FOS: variants seen among roughly 807,000 people sequenced by gnomAD.
The protein encoded by FOS is protein c-Fos.
Under a neutral mutation model 27.2 loss-of-function variants are expected in FOS, and 9 were observed. The observed-to-expected ratio is 0.33, with a 90% CI of 0.20 to 0.58. FOS has a LOEUF of 0.58. Ranked by LOEUF, FOS falls within the 20% of genes least tolerant of loss-of-function variation. The pLI, the probability that FOS is intolerant of heterozygous loss-of-function variation, is 0.87. For missense variants in FOS, 405 were observed against 483.5 expected (o/e 0.84, Z 1.52); for synonymous variants, 213 against 205.1 (o/e 1.04, Z -0.33).
chr14:75,281,312 C>T lies in FOS; in HGVS notation c.1031C>T (p.Thr344Ile), dbSNP rs747274853. 1.9e-6 allele frequency: 3 copies of T among 1,609,816 alleles called. No individual in the cohort carries two copies. Among genetic ancestry groups the T allele is most frequent in the Non-Finnish European group, 2.5e-6 (3 of 1,179,990 alleles). Residue 344 changes from threonine (T) to isoleucine (I), a missense_variant, in exon 4 of 4, where the codon ACC becomes ATC. Thr to Ile is a moderately conservative substitution (Grantham distance 89, BLOSUM62 -1). Coordinates refer to ENST00000303562, the MANE Select transcript of FOS (RefSeq NM_005252.4). This position sits in a 1 kb window ranked among gnomAD's most constrained non-coding sequence, Gnocchi z 4.7. ...GCTTACACGTCTTCCTTCGTCTTCACCTACCCCGAGGCTGACTCCTTCCCC... is the reference window on the plus strand; with the variant it reads ...GCTTACACGTCTTCCTTCGTCTTCATCTACCCCGAGGCTGACTCCTTCCCC... ...CTAYTSSFVF[T>I]YPEADSFPSC...
In FOS at chr14:75,279,491, CA is replaced by C; in HGVS notation, c.141+369del. ...TCCCCCCTCCCCCGGCAGCCTGGAGCACGGAGGAGGGATGAGGGAGGAGGGT... is the reference window on the plus strand; with the variant it reads ...TCCCCCCTCCCCCGGCAGCCTGGAGCCGGAGGAGGGATGAGGGAGGAGGGT... On this transcript the variant is annotated intron_variant, in intron 1 of 3. Coordinates refer to ENST00000303562, the MANE Select transcript of FOS (RefSeq NM_005252.4). This position sits in a 1 kb window ranked among gnomAD's most constrained non-coding sequence, Gnocchi z 5.4. 2.3e-6 allele frequency: 1 copy of C among 443,074 alleles called. No homozygotes were observed. Among genetic ancestry groups the C allele is most frequent in the Non-Finnish European group, 4.1e-6 (1 of 246,782 alleles). The allele number at this position is 443,074 out of a possible 1,614,324, so 27.4% of individuals were successfully genotyped here. A position where few individuals can be genotyped will look rare whatever the true frequency, so the allele number is the denominator to read the frequency against.
At chr14:75,280,231 C>A in intron 2 of FOS, 103 bp downstream of exon 2, 1 of 1,497,970 alleles carries the variant, frequency 6.7e-7, no homozygotes, top group Non-Finnish European at 9.2e-7. Context: ...ACTGATGGGG[C>A]TGGCTGCACA....
At position 75,281,627 on chromosome 14, in the gene FOS, A is replaced by G; in HGVS notation, c.*203A>G. 1 of 605,902 alleles carries G rather than the reference A, an allele frequency of 1.7e-6. No individual in the cohort carries two copies. The highest frequency in any genetic ancestry group is 2.9e-6 in the Non-Finnish European group (1 of 343,682). The allele number at this position is 605,902 out of a possible 1,614,324, so 37.5% of individuals were successfully genotyped here. A position where few individuals can be genotyped will look rare whatever the true frequency, so the allele number is the denominator to read the frequency against. ...ACTCAAGTCCTTACCTCTTCCGGAG[A>G]TGTAGCAAAACGCATGGAGTGTGTA... is the stretch of plus-strand genomic sequence containing the variant. On this transcript the variant is annotated 3_prime_UTR_variant, in exon 4 of 4. Coordinates refer to ENST00000303562, the MANE Select transcript of FOS (RefSeq NM_005252.4). This position sits in a 1 kb window ranked among gnomAD's most constrained non-coding sequence, Gnocchi z 4.7.
Position 75,279,017 on chromosome 14 carries a change from C to G in FOS, c.35C>G (p.Ala12Gly). 6.2e-7 allele frequency: 1 copy of G among 1,613,674 alleles called. No homozygotes were observed. The highest frequency in any genetic ancestry group is 1.1e-5 in the South Asian group (1 of 91,088). Residue 12 changes from alanine to glycine, a missense_variant, in exon 1 of 4, where the codon GCG (alanine) becomes GGG (glycine). Transcript: ENST00000303562. The surrounding 1 kb of genome is among the most constrained non-coding windows in gnomAD (Gnocchi z 5.4). ...MFSGFNADYE[A>G]SSSRCSSASP... is the part of the protein sequence containing the mutation. ...TCGGGCTTCAACGCAGACTACGAGG[C>G]GTCATCCTCCCGCTGCAGCAGCGCG...
rs530473993 is a variant in FOS at position 75,280,886 on chromosome 14, C to A, written c.605C>A (p.Pro202His). Residue 202 changes from proline to histidine, a missense_variant, in exon 4 of 4, where the codon CCT (proline) becomes CAT (histidine). By Grantham distance (77) the Pro-to-His change is moderately conservative (BLOSUM62 -2). Transcript: ENST00000303562. ...KLEFILAAHR[P>H]ACKIPDDLGF... is the part of the protein sequence containing the mutation. ...GAGTTCATCCTGGCAGCTCACCGACCTGCCTGCAAGATCCCTGATGACCTG... is the reference window on the plus strand; with the variant it reads ...GAGTTCATCCTGGCAGCTCACCGACATGCCTGCAAGATCCCTGATGACCTG... The A allele has an allele frequency of 3.1e-6, 5 of 1,614,186 alleles. No individual in the cohort carries two copies. The African/African-American group carries it at 5.3e-5, about 17-fold the overall frequency.
At position 75,278,902 on chromosome 14, in the gene FOS, G is replaced by C; in HGVS notation, c.-81G>C. ...GCGGCGCAGCGAACGAGCAGTGACC[G>C]TGCTCCTACCCAGCTCTGCTCCACA... On this transcript the variant is annotated 5_prime_UTR_variant, in exon 1 of 4. Transcript: ENST00000303562. The surrounding 1 kb of genome is among the most constrained non-coding windows in gnomAD (Gnocchi z 4.1). 1.3e-6 allele frequency: 2 copies of C among 1,552,564 alleles called. No homozygotes were observed. The highest frequency in any genetic ancestry group is 4.7e-5 in the East Asian group (2 of 42,870).
rs138659332 is a variant in FOS, at chr14:75,281,015, A to G, written c.734A>G (p.Asn245Ser). Residue 245 changes from asparagine (N) to serine (S), a missense_variant, in exon 4 of 4, where the codon AAT becomes AGT. By Grantham distance (46) the Asn-to-Ser change is conservative. Coordinates refer to ENST00000303562, the MANE Select transcript of FOS (RefSeq NM_005252.4). The surrounding 1 kb of genome is among the most constrained non-coding windows in gnomAD (Gnocchi z 4.7). ...SEEAFTLPLLNDPEPKPSVEP... is the reference protein window; with the variant it reads ...SEEAFTLPLLSDPEPKPSVEP... ...GAGGCCTTCACCCTGCCTCTCCTCA[A>G]TGACCCTGAGCCCAAGCCCTCAGTG... The G allele has an allele frequency of 1.2e-6, 2 of 1,614,018 alleles. No individual in the cohort carries two copies. Among genetic ancestry groups the G allele is most frequent in the Non-Finnish European group, 1.7e-6 (2 of 1,180,016 alleles).
rs757839254 is a variant in FOS, at chr14:75,280,869, C to T, written c.588C>T (p.Ile196=). The part of the protein sequence containing the change: ...LLKEKEKLEF[I]LAAHRPACKI... The stretch of plus-strand genomic sequence containing the variant: ...AGGAGAAGGAAAAACTAGAGTTCAT[C>T]CTGGCAGCTCACCGACCTGCCTGCA... Residue 196 remains isoleucine (I), a synonymous_variant, in exon 4 of 4, where the codon ATC becomes ATT. Transcript: ENST00000303562. 2 of 1,614,160 alleles carry T rather than the reference C, an allele frequency of 1.2e-6. No homozygotes were observed. The highest frequency in any genetic ancestry group is 1.1e-5 in the South Asian group (1 of 91,080).
At chr14:75,280,300 C>T in intron 2 of FOS, 172 bp downstream of exon 2, 3 of 864,116 alleles carry the variant, frequency 3.5e-6, no homozygotes, top group Non-Finnish European at 5.5e-6. Context: ...CTCTGAGTCT[C>T]ACCCTAAGAA....
chr14:75,279,208 G>A lies in FOS; in HGVS notation c.141+85G>A. 2 of 1,563,938 alleles carry A rather than the reference G, an allele frequency of 1.3e-6. No individual in the cohort carries two copies. Among genetic ancestry groups the A allele is most frequent in the Non-Finnish European group, 1.7e-6 (2 of 1,152,416 alleles). ...CCGGGCGGGACGCTCCAGTAGATGA[G>A]TAGGGGGCTCCCTTGTGCCTGGAGG... On this transcript the variant is annotated intron_variant, in intron 1 of 3. Transcript: ENST00000303562. The surrounding 1 kb of genome is among the most constrained non-coding windows in gnomAD (Gnocchi z 5.4).
At position 75,281,304 on chromosome 14, in the gene FOS, C is replaced by T. The variant is rs1486120597; in HGVS notation, c.1023C>T (p.Phe341=). The change falls in exon 4 of 4, where the codon TTC becomes TTT. Residue 341 remains phenylalanine, a synonymous_variant. Transcript: ENST00000303562. This position sits in a 1 kb window ranked among gnomAD's most constrained non-coding sequence, Gnocchi z 4.7. ...TPSCTAYTSS[F]VFTYPEADSF... ...GCTGCACTGCTTACACGTCTTCCTT[C>T]GTCTTCACCTACCCCGAGGCTGACT... 6.8e-6 allele frequency: 11 copies of T among 1,609,924 alleles called. No individual in the cohort carries two copies. Among genetic ancestry groups the T allele is most frequent in the African/African-American group, 1.3e-5 (1 of 74,952 alleles).
rs202113955 is a variant in FOS at position 75,281,308 on chromosome 14, T to G, written c.1027T>G (p.Phe343Val). ...SCTAYTSSFV[F>V]TYPEADSFPS... ...CACTGCTTACACGTCTTCCTTCGTC[T>G]TCACCTACCCCGAGGCTGACTCCTT... Residue 343 changes from phenylalanine to valine, a missense_variant, in exon 4 of 4, where the codon TTC (phenylalanine) becomes GTC (valine). Phe to Val is a conservative substitution (Grantham distance 50). Transcript: ENST00000303562. This position sits in a 1 kb window ranked among gnomAD's most constrained non-coding sequence, Gnocchi z 4.7. 1.2e-6 allele frequency: 2 copies of G among 1,609,842 alleles called. No individual in the cohort carries two copies. Among genetic ancestry groups the G allele is most frequent in the Admixed American group, 3.3e-5 (2 of 60,004 alleles).
chr14:75,280,702 T>C, intron 3 of FOS, 35 bp downstream of exon 3: 1 of 1,521,420 alleles, frequency 6.6e-7, no homozygotes, highest in East Asian at 2.3e-5. Flanking sequence ...TTTTAAAACT[T>C]AAGGGGAAAG....
At chr14:75,280,750 G>T in intron 3 of FOS, 33 bp from the exon 4 acceptor site, 1 of 1,612,820 alleles carries the variant, frequency 6.2e-7, no homozygotes, top group Non-Finnish European at 8.5e-7. Context: ...GTAAGACTGT[G>T]TCTTATGCTT....
At position 75,279,533 on chromosome 14, in the gene FOS, G is replaced by A; in HGVS notation, c.142-344G>A. 2.3e-6 allele frequency: 1 copy of A among 444,328 alleles called. No individual in the cohort carries two copies. Among genetic ancestry groups the A allele is most frequent in the South Asian group, 2.7e-5 (1 of 37,406 alleles). 27.5% of individuals were successfully genotyped at this position (444,328 alleles called of 1,614,324 possible). A position where few individuals can be genotyped will look rare whatever the true frequency, so the allele number is the denominator to read the frequency against. On this transcript the variant is annotated intron_variant, in intron 1 of 3. Transcript: ENST00000303562. The surrounding 1 kb of genome is among the most constrained non-coding windows in gnomAD (Gnocchi z 5.4). The stretch of plus-strand genomic sequence containing the variant: ...GGAGGAGGGTGCAGCGGGCGGGTGT[G>A]TAAGGCAGTTTCATTGATAAAAAGC...
At chr14:75,280,207 C>T in intron 2 of FOS, 79 bp downstream of exon 2, 1 of 1,594,676 alleles carries the variant, frequency 6.3e-7, no homozygotes, top group Non-Finnish European at 8.6e-7. Context: ...GAGCCCAGTA[C>T]AGAGGATGAA....
rs753788832 is a variant in FOS at position 75,281,283 on chromosome 14, C to T, written c.1002C>T (p.Cys334=). Residue 334 remains cysteine (C), a synonymous_variant, in exon 4 of 4, where the codon TGC becomes TGT. Coordinates refer to ENST00000303562, the MANE Select transcript of FOS (RefSeq NM_005252.4). The surrounding 1 kb of genome is among the most constrained non-coding windows in gnomAD (Gnocchi z 4.7). Reference sequence around the variant, plus strand: ...CGGTGGTCACCTGTACTCCCAGCTGCACTGCTTACACGTCTTCCTTCGTCT... The same window carrying T: ...CGGTGGTCACCTGTACTCCCAGCTGTACTGCTTACACGTCTTCCTTCGTCT... ...CTPVVTCTPS[C]TAYTSSFVFT... is the part of the protein sequence containing the mutation. 1 of 1,610,942 alleles carries T rather than the reference C, an allele frequency of 6.2e-7. No homozygotes were observed. The highest frequency in any genetic ancestry group is 8.5e-7 in the Non-Finnish European group (1 of 1,180,016).
rs373065227 is a variant in FOS, at chr14:75,281,372, G to A, written c.1091G>A (p.Ser364Asn). Reference sequence around the variant, plus strand: ...GCTGCCCACCGCAAGGGCAGCAGCAGCAATGAGCCTTCCTCTGACTCGCTC... The same window carrying A: ...GCTGCCCACCGCAAGGGCAGCAGCAACAATGAGCCTTCCTCTGACTCGCTC... ...CAAAHRKGSS[S>N]NEPSSDSLSS... Residue 364 changes from serine (S) to asparagine (N), a missense_variant, in exon 4 of 4, where the codon AGC (serine) becomes AAC (asparagine). Ser to Asn is a conservative substitution (Grantham distance 46, BLOSUM62 1). Coordinates refer to ENST00000303562, the MANE Select transcript of FOS (RefSeq NM_005252.4). The surrounding 1 kb of genome is among the most constrained non-coding windows in gnomAD (Gnocchi z 4.7). 3.1e-6 allele frequency: 5 copies of A among 1,611,702 alleles called. No individual in the cohort carries two copies. The highest frequency in any genetic ancestry group is 1.1e-5 in the South Asian group (1 of 91,090).
rs1310581518 is a variant in FOS, at chr14:75,279,227, C to T, written c.141+104C>T. ...AGATGAGTAGGGGGCTCCCTTGTGC[C>T]TGGAGGGAGGCTGCCGTGGCCGGAG... On this transcript the variant is annotated intron_variant, in intron 1 of 3. Coordinates refer to ENST00000303562, the MANE Select transcript of FOS (RefSeq NM_005252.4). This position sits in a 1 kb window ranked among gnomAD's most constrained non-coding sequence, Gnocchi z 5.4. 3 of 1,488,046 alleles carry T rather than the reference C, an allele frequency of 2.0e-6. No individual in the cohort carries two copies. The highest frequency in any genetic ancestry group is 2.7e-6 in the Non-Finnish European group (3 of 1,096,816). The allele number at this position is 1,488,046 out of a possible 1,614,324, so 92.2% of individuals were successfully genotyped here.
Sources: allele counts gnomAD v4.1 joint callset, GRCh38; gene constraint gnomAD v4.1.1; non-coding constraint Gnocchi (gnomAD v3.1); transcripts MANE v1.5; gene names NCBI Gene and HGNC (gene_info 2026-07-23, HGNC 2026-07-21).